The following CNTNAP2 variants were observed in gnomAD, a reference collection of about 807,000 sequenced individuals.
The protein encoded by CNTNAP2 is contactin associated protein 2, also known as contactin-associated protein-like 2.
CNTNAP2 carries 98 observed loss-of-function variants against 155.2 expected under a neutral mutation model. That is an observed-to-expected ratio of 0.63 (90% CI 0.54 to 0.75). The LOEUF is 0.75. CNTNAP2 is among the 30% of genes least tolerant of loss of function. The pLI is 0.00. For synonymous variants in CNTNAP2, 651 were observed against 631.2 expected, an observed-to-expected ratio of 1.03 and a Z score of -0.47; for missense variants, 1,727 against 1,688.1, an observed-to-expected ratio of 1.02 and a Z score of -0.40.
At chr7:148,065,673 T>G (rs1803243569) in intron 15 of CNTNAP2, among the ~76,000 whole-genome samples, 1 of 152,206 alleles carries the variant, frequency 6.6e-6, no homozygotes, top group Non-Finnish European at 1.5e-5. Flanking sequence ...TACATTTATG[T>G]GAGTCCTTAT....
chr7:148,090,787 AAG>A (rs1450049196), intron 15 of CNTNAP2, among the ~76,000 whole-genome samples: 9 of 152,240 alleles, frequency 5.9e-5, no homozygotes, highest in Non-Finnish European at 1.2e-4. Flanking sequence ...TAGAAGAGAT[AAG>A]TGCACTCCTA....
At chr7:148,343,218 G>C (rs1332368707) in intron 21 of CNTNAP2, among the ~76,000 whole-genome samples, 1 of 152,130 alleles carries the variant, frequency 6.6e-6, no homozygotes, top group Non-Finnish European at 1.5e-5. Flanking sequence ...TAGCCATGAG[G>C]CATCTGTGAC....
At chr7:146,772,770 T>C (rs1362132611) in intron 1 of CNTNAP2, among the ~76,000 whole-genome samples, 1 of 152,186 alleles carries the variant, frequency 6.6e-6, no homozygotes, top group South Asian at 2.1e-4. Flanking sequence ...GTGGCCATCA[T>C]AGGCCACTGG....
chr7:146,437,244 A>C lies in CNTNAP2; in HGVS notation c.97+320271A>C, dbSNP rs186920436. 1.3e-4 allele frequency among the ~76,000 whole-genome samples: 20 copies of C among 151,226 alleles called. 1 individual carries two copies. Among genetic ancestry groups the C allele is most frequent in the African/African-American group, 4.7e-4 (19 of 40,742 alleles). The stretch of plus-strand genomic sequence containing the variant: ...TCCTGAAACCATCTACCCCAACCTC[A>C]CCCTCCTGTCCGTGGAAAAATTGTC... On this transcript the variant is annotated intron_variant, in intron 1 of 23. Transcript: ENST00000361727.
At chr7:147,118,082 A>G (rs913782252) in intron 5 of CNTNAP2, among the ~76,000 whole-genome samples, 4 of 152,134 alleles carry the variant, frequency 2.6e-5, no homozygotes, top group African/African-American at 9.6e-5. Flanking sequence ...GATATACAAG[A>G]TAACTCATAA....
intron 1 of CNTNAP2, among the ~76,000 whole-genome samples, chr7:146,174,848 A>C (rs1483112926): frequency 5.3e-5 from 8 of 152,128 alleles, no homozygotes; most frequent in Non-Finnish European, 1.2e-4. Context: ...TCTCAAACAA[A>C]CAAACAAAAA....
chr7:146,449,404 A>G (rs903843523), intron 1 of CNTNAP2, among the ~76,000 whole-genome samples: 5 of 151,754 alleles, frequency 3.3e-5, no homozygotes, highest in African/African-American at 1.2e-4. Context: ...GCTTCTCTCT[A>G]TAAGAAAATA....
chr7:148,008,941 T>C (rs1240564978), intron 15 of CNTNAP2, among the ~76,000 whole-genome samples: 2 of 152,198 alleles, frequency 1.3e-5, no homozygotes, highest in Non-Finnish European at 2.9e-5. Flanking sequence ...CATGCTTTGC[T>C]GTGTGTGGAA....
chr7:146,677,548 T>A (rs2129169237), intron 1 of CNTNAP2, among the ~76,000 whole-genome samples: 1 of 152,260 alleles, frequency 6.6e-6, no homozygotes, highest in African/African-American at 2.4e-5. Flanking sequence ...ATTTTATTTT[T>A]GGTTTACATA....
chr7:147,924,383 C>G (rs1585031208), intron 14 of CNTNAP2, among the ~76,000 whole-genome samples: 1 of 152,118 alleles, frequency 6.6e-6, no homozygotes, highest in East Asian at 1.9e-4. Flanking sequence ...AGGTGATTCG[C>G]CTGCCTTGGC....
intron 13 of CNTNAP2, among the ~76,000 whole-genome samples, chr7:147,656,913 G>A (rs1795533937): frequency 6.6e-6 from 1 of 152,180 alleles, no homozygotes; most frequent in Non-Finnish European, 1.5e-5. Flanking sequence ...AATGGAGGAT[G>A]TATCAGTGCC....
chr7:148,325,771 C>T (rs955993181), intron 21 of CNTNAP2, among the ~76,000 whole-genome samples: 3 of 152,314 alleles, frequency 2.0e-5, no homozygotes, highest in Admixed American at 2.0e-4. Context: ...TCCTCTTTCT[C>T]CTACCTCATA....
At chr7:147,450,187 A>G (rs1304607087) in intron 10 of CNTNAP2, among the ~76,000 whole-genome samples, 1 of 152,236 alleles carries the variant, frequency 6.6e-6, no homozygotes, top group Non-Finnish European at 1.5e-5. Flanking sequence ...CCACTGGTGG[A>G]AGAAGAGAAA....
chr7:146,485,456 A>G (rs73464714), intron 1 of CNTNAP2, among the ~76,000 whole-genome samples: 4,901 of 152,288 alleles, frequency 0.032, 251 homozygotes, highest in African/African-American at 0.11. Context: ...AAAATTTCTT[A>G]TGTGATACAC....
chr7:147,850,437 A>C (rs1798913635), intron 13 of CNTNAP2, among the ~76,000 whole-genome samples: 2 of 152,326 alleles, frequency 1.3e-5, no homozygotes, highest in Admixed American at 6.5e-5. Context: ...ATATGCAACC[A>C]AAAAAGAGCC....
At chr7:146,298,168 C>G (rs189729678) in intron 1 of CNTNAP2, among the ~76,000 whole-genome samples, 114 of 152,236 alleles carry the variant, frequency 7.5e-4, no homozygotes, top group Admixed American at 2.4e-3. Context: ...CAGTCTGGGA[C>G]TTTGTGAAGA....
intron 13 of CNTNAP2, among the ~76,000 whole-genome samples, chr7:147,795,165 C>T (rs1563091947): frequency 6.6e-6 from 1 of 151,778 alleles, no homozygotes; most frequent in Non-Finnish European, 1.5e-5. Flanking sequence ...TTAATGACTT[C>T]AGATGCTGTT....
chr7:147,566,404 T>C (rs1800172141), intron 12 of CNTNAP2, among the ~76,000 whole-genome samples: 1 of 150,902 alleles, frequency 6.6e-6, no homozygotes, highest in African/African-American at 2.4e-5. Context: ...AATTAGTCCG[T>C]TCTCACGCTG....
chr7:147,680,289 G>C (rs1370166447), intron 13 of CNTNAP2, among the ~76,000 whole-genome samples: 1 of 151,862 alleles, frequency 6.6e-6, no homozygotes, highest in Non-Finnish European at 1.5e-5. Flanking sequence ...TTCCTTTAAA[G>C]TATAGCGACT....
Sources: gnomAD v4.1 joint callset for allele counts (sites outside exome capture counted in the v4.1 genomes callset) on GRCh38, gnomAD v4.1.1 for gene constraint, MANE v1.5 for transcripts, NCBI Gene and HGNC (gene_info 2026-07-23, HGNC 2026-07-21) for gene names.